DNAH14: variants seen among roughly 807,000 people sequenced by gnomAD.
DNAH14 encodes the protein axonemal beta dynein heavy chain 14.
DNAH14 carries 478 observed loss-of-function variants against 520.9 expected under a neutral mutation model. That is an observed-to-expected ratio of 0.92 (90% confidence interval 0.85 to 0.99). The LOEUF (loss-of-function observed/expected upper bound fraction) is 0.99. DNAH14 is among the 50% of genes least tolerant of loss of function. The pLI is 0.00. For synonymous variants in DNAH14, 1,581 were observed against 1,757.2 expected (o/e 0.90, Z 2.51); for missense variants, 4,831 against 5,234.5 (o/e 0.92, Z 2.38).
At chr1:225,022,512 A>G (rs2065790339) in intron 10 of DNAH14, among the ~76,000 whole-genome samples, 1 of 152,138 alleles carries the variant, frequency 6.6e-6, no homozygotes, top group South Asian at 2.1e-4. Context: ...TATGACCACC[A>G]ATCATTAGAG....
chr1:225,168,632 C>G (rs1444044223), intron 36 of DNAH14, among the ~76,000 whole-genome samples: 1 of 152,180 alleles, frequency 6.6e-6, no homozygotes, highest in South Asian at 2.1e-4. Context: ...GAGGCTTGAG[C>G]AGGTAAACAA....
At chr1:225,009,529 CA>C (rs1467615918) in intron 10 of DNAH14, among the ~76,000 whole-genome samples, 2 of 152,160 alleles carry the variant, frequency 1.3e-5, no homozygotes, top group Non-Finnish European at 2.9e-5. Flanking sequence ...AGTTTGAAGT[CA>C]GGTAGCATAA....
chr1:224,981,270 G>T (rs1558587562), intron 8 of DNAH14, among the ~76,000 whole-genome samples: 1 of 152,110 alleles, frequency 6.6e-6, no homozygotes, highest in Non-Finnish European at 1.5e-5. Context: ...GTCCTTTCTT[G>T]GTTTTGGAAT....
intron 23 of DNAH14, among the ~76,000 whole-genome samples, chr1:225,113,156 C>G (rs930534056): frequency 6.6e-6 from 1 of 152,210 alleles, no homozygotes; most frequent in Middle Eastern, 3.4e-3. Context: ...TTGGCTGTTA[C>G]TATCTATGTT....
intron 12 of DNAH14, among the ~76,000 whole-genome samples, chr1:225,039,805 G>C (rs2067289945): frequency 7.3e-6 from 1 of 137,620 alleles, no homozygotes; most frequent in South Asian, 2.5e-4. Flanking sequence ...ATGAACCCGG[G>C]AGGCGGAGCT....
At position 225,257,954 on chromosome 1, in the gene DNAH14, A is replaced by C. The variant is rs1428517619; in HGVS notation, c.6866-6A>C. 2 of 1,542,344 alleles carry C rather than the reference A, an allele frequency of 1.3e-6. No individual in the cohort carries two copies. Among genetic ancestry groups the C allele is most frequent in the Admixed American group, 4.1e-5 (2 of 49,204 alleles). On this transcript the variant is annotated splice_polypyrimidine_tract_variant and splice_region_variant and intron_variant, in intron 44 of 85. Coordinates refer to ENST00000682510, the MANE Select transcript of DNAH14 (RefSeq NM_001367479.1). ...ATTTGAAACTTTTTTTAAAATGTTA[A>C]CTTAGGAACTTCATTACTAACTAAT...
intron 10 of DNAH14, among the ~76,000 whole-genome samples, chr1:225,023,316 T>C (rs2065856664): frequency 6.6e-6 from 1 of 150,720 alleles, no homozygotes; most frequent in African/African-American, 2.4e-5. Context: ...ATTTTCATAT[T>C]GTTAAATTTA....
chr1:224,969,084 C>G (rs536116567), intron 7 of DNAH14: 2 of 408,162 alleles, frequency 4.9e-6, no homozygotes, highest in Non-Finnish European at 8.9e-6. Context: ...TTTTTCCTTT[C>G]AGAATTAATA....
At chr1:225,386,912 G>A (rs879793192) in intron 81 of DNAH14, among the ~76,000 whole-genome samples, 1 of 152,152 alleles carries the variant, frequency 6.6e-6, no homozygotes, top group Non-Finnish European at 1.5e-5. Flanking sequence ...AAAGCATGCT[G>A]CTATAATATA....
chr1:225,340,532 C>T lies in DNAH14; in HGVS notation c.10509C>T (p.Phe3503=). The change falls in exon 69 of 86, where the codon TTC becomes TTT. Residue 3503 remains phenylalanine (F), a synonymous_variant. Coordinates refer to ENST00000682510, the MANE Select transcript of DNAH14 (RefSeq NM_001367479.1). ...ATAACTTTGTTACTATGATCAACTT[C>T]ACTGTAACATTCCAAGGTTTGCAAG... The part of the protein sequence containing the change: ...SVYNFVTMIN[F]TVTFQGLQDQ... The T allele has an allele frequency of 6.4e-7, 1 of 1,551,430 alleles. No homozygotes were observed. The highest frequency in any genetic ancestry group is 8.7e-7 in the Non-Finnish European group (1 of 1,146,854).
At position 225,358,651 on chromosome 1, in the gene DNAH14, T is replaced by C. The variant is rs1169996324; in HGVS notation, c.11775T>C (p.His3925=). 1.3e-6 allele frequency: 2 copies of C among 1,546,344 alleles called. No homozygotes were observed. The highest frequency in any genetic ancestry group is 2.5e-5 in the East Asian group (1 of 40,806). ...CTCCGCTGATACTTATTCAAACTCA[T>C]GGTAAGCTATTTGTGAATAGTTAAG... ...ARTPLILIQT[H]GIDLTNILLR... Residue 3925 remains histidine (H), a splice_region_variant and synonymous_variant, in exon 74 of 86, where the codon CAT becomes CAC. Transcript: ENST00000682510.
chr1:225,389,707 C>T lies in DNAH14; in HGVS notation c.13191-27C>T, dbSNP rs975856687. 8 of 1,551,160 alleles carry T rather than the reference C, an allele frequency of 5.2e-6. No homozygotes were observed. The Admixed American group carries it at 1.4e-4, about 27-fold the overall frequency. On this transcript the variant is annotated intron_variant, in intron 82 of 85. Transcript: ENST00000682510. ...GTGTGCAATTATTATGCCCTTAACC[C>T]CCAACCTGTGGTCTGCCTTCCACTA...
intron 19 of DNAH14, among the ~76,000 whole-genome samples, chr1:225,082,196 G>GTGTGTGTGTGTGTGTT (rs1430730749): frequency 1.3e-5 from 2 of 151,816 alleles, no homozygotes; most frequent in Non-Finnish European, 2.9e-5. Flanking sequence ...GTGTGTGTGT[G>GTGTGTGTGTGTGTGTT]TGCACATGCG....
chr1:225,080,246 T>G (rs964672733), intron 18 of DNAH14, 133 bp from the exon 19 acceptor site: 42 of 917,994 alleles, frequency 4.6e-5, no homozygotes, highest in Non-Finnish European at 6.5e-5. Context: ...GGCCAAATGG[T>G]AATGATAGTT....
rs2095571551 is a variant in DNAH14 at position 225,367,745 on chromosome 1, C to T, written c.12091-60C>T. 1.1e-5 allele frequency: 13 copies of T among 1,201,642 alleles called. No homozygotes were observed. The South Asian group carries it at 1.8e-4, about 17-fold the overall frequency. The allele number at this position is 1,201,642 out of a possible 1,614,324, so 74.4% of individuals were successfully genotyped here. A position where few individuals can be genotyped will look rare whatever the true frequency, so the allele number is the denominator to read the frequency against. On this transcript the variant is annotated intron_variant, in intron 76 of 85. Coordinates refer to ENST00000682510, the MANE Select transcript of DNAH14 (RefSeq NM_001367479.1). The stretch of plus-strand genomic sequence containing the variant: ...ACCAGTGTTGTAGAAAGACAAGTGC[C>T]CTGAAGACCAGTGCCTGCATCTGTC...
intron 52 of DNAH14, among the ~76,000 whole-genome samples, chr1:225,274,540 G>A (rs2093418569): frequency 6.6e-6 from 1 of 152,186 alleles, no homozygotes; most frequent in Non-Finnish European, 1.5e-5. Flanking sequence ...TCTGACTGGT[G>A]TTAGATGGTA....
In DNAH14 at chr1:225,380,151, T is replaced by A; in HGVS notation, c.12717-8T>A. 6.5e-7 allele frequency: 1 copy of A among 1,541,448 alleles called. No individual in the cohort carries two copies. The highest frequency in any genetic ancestry group is 8.7e-7 in the Non-Finnish European group (1 of 1,142,892). On this transcript the variant is annotated splice_polypyrimidine_tract_variant and splice_region_variant and intron_variant, in intron 79 of 85. Coordinates refer to ENST00000682510, the MANE Select transcript of DNAH14 (RefSeq NM_001367479.1). ...TGTGTCTCATTCTTCTCTTGGTTTT[T>A]TTTGCAGACCTGAGCAGAGTAAGGA... is the stretch of plus-strand genomic sequence containing the variant.
chr1:225,206,429 A>T lies in DNAH14; in HGVS notation c.6186+250A>T, dbSNP rs374960493. ...GTATTTTCCACAACTGTGGGTAAAC[A>T]AATAGACAGGTTAGACTGCTGATGT... On this transcript the variant is annotated intron_variant, in intron 40 of 85. Transcript: ENST00000682510. Among the ~76,000 whole-genome samples, 102 of 152,308 alleles carry T rather than the reference A, an allele frequency of 6.7e-4. 2 individuals are homozygous for T. The South Asian group carries it at 0.02, about 30-fold the overall frequency.
At chr1:224,995,737 T>C (rs2147720976) in intron 8 of DNAH14, among the ~76,000 whole-genome samples, 1 of 152,178 alleles carries the variant, frequency 6.6e-6, no homozygotes, top group South Asian at 2.1e-4. Context: ...TTTTTTATTC[T>C]TTTCCCTTTG....
Sources: gnomAD v4.1 joint callset for allele counts (sites outside exome capture counted in the v4.1 genomes callset) on GRCh38, gnomAD v4.1.1 for gene constraint, MANE v1.5 for transcripts, NCBI Gene and HGNC (gene_info 2026-07-23, HGNC 2026-07-21) for gene names.